RNF185: variants seen among roughly 807,000 people sequenced by gnomAD.
RNF185 encodes E3 ubiquitin-protein ligase RNF185.
A neutral mutation model predicts 24.9 loss-of-function variants in RNF185; 13 were observed. That is an observed-to-expected ratio of 0.52 (90% CI 0.34 to 0.83). The LOEUF (loss-of-function observed/expected upper bound fraction) is 0.83. Ranked by LOEUF, RNF185 falls within the 40% of genes least tolerant of loss-of-function variation. The pLI, the probability that RNF185 is intolerant of heterozygous loss-of-function variation, is 0.01. For missense variants in RNF185, 184 were observed against 244.7 expected (o/e 0.75, Z 1.65); for synonymous variants, 79 against 90.3 (o/e 0.88, Z 0.71).
intron 3 of RNF185, among the ~76,000 whole-genome samples, chr22:31,194,436 A>T (rs1289191526): frequency 1.3e-5 from 2 of 152,154 alleles, no homozygotes; most frequent in East Asian, 3.9e-4. Context: ...AATGCTATAA[A>T]AATGAGAAAT....
intron 1 of RNF185, among the ~76,000 whole-genome samples, chr22:31,180,256 A>G (rs552180079): frequency 6.6e-6 from 1 of 152,302 alleles, no homozygotes; most frequent in South Asian, 2.1e-4. Context: ...TGAGGTCAGG[A>G]GTTCAAGAGC....
intron 5 of RNF185, 30 bp from the exon 6 acceptor site, chr22:31,201,468 C>T (rs548910821): frequency 5.2e-6 from 8 of 1,531,782 alleles, no homozygotes; most frequent in African/African-American, 2.7e-5. Flanking sequence ...GCCTGATTCT[C>T]CTGCCCTTAA....
chr22:31,163,859 A>G (rs1156908999), intron 1 of RNF185, among the ~76,000 whole-genome samples: 1 of 151,748 alleles, frequency 6.6e-6, no homozygotes, highest in Non-Finnish European at 1.5e-5. Flanking sequence ...TTTTTAGTGG[A>G]GACGGGGTTT....
At chr22:31,184,310 C>G (rs2048074068) in intron 1 of RNF185, among the ~76,000 whole-genome samples, 1 of 151,986 alleles carries the variant, frequency 6.6e-6, no homozygotes, top group South Asian at 2.1e-4. Context: ...CTCCTCACAT[C>G]TCAGACGGGG....
At chr22:31,194,771 C>A (rs142983932) in intron 3 of RNF185, among the ~76,000 whole-genome samples, 2,018 of 152,034 alleles carry the variant, frequency 0.013, 20 homozygotes, top group Middle Eastern at 0.027. Context: ...ATATGACTGA[C>A]AGGAAAATAC....
intron 3 of RNF185, among the ~76,000 whole-genome samples, chr22:31,194,402 C>G (rs1224379455): frequency 6.6e-6 from 1 of 152,006 alleles, no homozygotes; most frequent in East Asian, 1.9e-4. Flanking sequence ...GATTCTGATG[C>G]CTGGGATACA....
chr22:31,201,130 T>G (rs1237707296), intron 5 of RNF185, among the ~76,000 whole-genome samples: 1 of 152,226 alleles, frequency 6.6e-6, no homozygotes, highest in African/African-American at 2.4e-5. Flanking sequence ...GCTGTCAATA[T>G]TGCTCCTATA....
intron 1 of RNF185, among the ~76,000 whole-genome samples, chr22:31,160,867 C>T (rs1202175692): frequency 1.3e-5 from 2 of 152,208 alleles, no homozygotes; most frequent in African/African-American, 4.8e-5. Flanking sequence ...GGACTCAATT[C>T]AGACTTCTGG....
intron 5 of RNF185, among the ~76,000 whole-genome samples, chr22:31,201,224 G>A (rs1188983450): frequency 6.6e-6 from 1 of 152,242 alleles, no homozygotes. Flanking sequence ...TGTCAGCAGA[G>A]TGTTTCACAC....
At chr22:31,184,712 G>A (rs2147943585) in intron 1 of RNF185, among the ~76,000 whole-genome samples, 1 of 152,312 alleles carries the variant, frequency 6.6e-6, no homozygotes, top group Non-Finnish European at 1.5e-5. Flanking sequence ...TCAGGAGCTG[G>A]AGACCAGCCC....
rs201108552 is a variant in RNF185, at chr22:31,187,114, C to T, written c.20C>T (p.Ser7Leu). The change falls in exon 2 of 7, where the codon TCG (serine) becomes TTG (leucine). Residue 7 changes from serine (S) to leucine (L), a missense_variant. By Grantham distance (145) the Ser-to-Leu change is moderately radical (BLOSUM62 -2). Transcript: ENST00000326132. MASKGP[S>L]ASASPENSSA... ...CCAAGGATGGCAAGCAAGGGGCCCT[C>T]GGCCTCTGCATCTCCTGAGAACTCC... 1.6e-4 allele frequency: 264 copies of T among 1,608,156 alleles called. No individual in the cohort carries two copies. Among genetic ancestry groups the T allele is most frequent in the Non-Finnish European group, 2.1e-4 (251 of 1,177,756 alleles).
chr22:31,187,583 T>C (rs1395402009), intron 2 of RNF185, among the ~76,000 whole-genome samples: 1 of 152,226 alleles, frequency 6.6e-6, no homozygotes, highest in Admixed American at 6.5e-5. Flanking sequence ...AAGCAAGGAC[T>C]GTGGAACTGG....
chr22:31,197,555 A>G (rs1173231891), intron 5 of RNF185, among the ~76,000 whole-genome samples: 3 of 152,082 alleles, frequency 2.0e-5, no homozygotes, highest in Non-Finnish European at 2.9e-5. Context: ...GAGCATGTTC[A>G]TTATTATTTT....
intron 6 of RNF185, among the ~76,000 whole-genome samples, chr22:31,202,758 G>A (rs369157505): frequency 7.2e-5 from 11 of 151,948 alleles, no homozygotes; most frequent in African/African-American, 2.2e-4. Flanking sequence ...GACTACAGGC[G>A]CCTGCCACCA....
At chr22:31,181,210 T>C (rs2048032980) in intron 1 of RNF185, among the ~76,000 whole-genome samples, 1 of 151,958 alleles carries the variant, frequency 6.6e-6, no homozygotes, top group African/African-American at 2.4e-5. Context: ...CTGAGCATGG[T>C]GGTGTGCACC....
chr22:31,161,563 C>A (rs962153429), intron 1 of RNF185, among the ~76,000 whole-genome samples: 10 of 152,176 alleles, frequency 6.6e-5, no homozygotes, highest in African/African-American at 2.4e-4. Flanking sequence ...TAAACTGGGT[C>A]CCACCCCATG....
chr22:31,197,236 T>C (rs896389004), intron 5 of RNF185: 4 of 423,328 alleles, frequency 9.4e-6, no homozygotes, highest in Non-Finnish European at 1.3e-5. Context: ...TTTACAAATC[T>C]GTGCGTGTAT....
chr22:31,163,157 G>A (rs1923685742), intron 1 of RNF185, among the ~76,000 whole-genome samples: 1 of 152,142 alleles, frequency 6.6e-6, no homozygotes, highest in Admixed American at 6.6e-5. Context: ...GTTCATTTCA[G>A]TCACACCCAT....
intron 5 of RNF185, among the ~76,000 whole-genome samples, chr22:31,200,058 G>T (rs2147963990): frequency 6.6e-6 from 1 of 152,278 alleles, no homozygotes; most frequent in Non-Finnish European, 1.5e-5. Flanking sequence ...GATGCGCACA[G>T]TAATTAAGAG....
Sources: gnomAD v4.1 joint callset for allele counts (sites outside exome capture counted in the v4.1 genomes callset) on GRCh38, gnomAD v4.1.1 for gene constraint, MANE v1.5 for transcripts, NCBI Gene and HGNC (gene_info 2026-07-23, HGNC 2026-07-21) for gene names.